Variants in MAP4K4 observed in about 807,000 individuals in gnomAD.
The protein encoded by MAP4K4 is mitogen-activated protein kinase kinase kinase kinase 4.
A neutral mutation model predicts 189.6 loss-of-function variants in MAP4K4; 38 were observed. That is an observed-to-expected ratio of 0.20 (90% CI 0.15 to 0.26). MAP4K4 has a LOEUF of 0.26. Ranked by LOEUF, MAP4K4 falls within the 10% of genes least tolerant of loss-of-function variation. The pLI is 1.00. For synonymous variants in MAP4K4, 610 were observed against 624.3 expected (o/e 0.98, Z 0.34); for missense variants, 1,054 against 1,726.9 (o/e 0.61, Z 6.91).
chr2:101,856,077 G>T, exon 13 of MAP4K4: 4 of 1,551,634 alleles, frequency 2.6e-6, no homozygotes, highest in South Asian at 1.2e-5. Context: ...GAGAGAAGGC[G>T]CAAAGAAGAA....
At chr2:101,829,303 T>A (rs1445721409) in intron 5 of MAP4K4, among the ~76,000 whole-genome samples, 1 of 152,122 alleles carries the variant, frequency 6.6e-6, no homozygotes, top group Non-Finnish European at 1.5e-5. Context: ...CCACTGGGAA[T>A]GTGGAGGGTG....
At chr2:101,810,325 G>C (rs1334241403) in intron 3 of MAP4K4, among the ~76,000 whole-genome samples, 1 of 151,820 alleles carries the variant, frequency 6.6e-6, no homozygotes, top group African/African-American at 2.4e-5. Flanking sequence ...TAATCACTGT[G>C]CCTGTTTTAA....
At chr2:101,756,344 G>C (rs965207623) in intron 2 of MAP4K4, among the ~76,000 whole-genome samples, 2 of 152,170 alleles carry the variant, frequency 1.3e-5, no homozygotes, top group Non-Finnish European at 2.9e-5. Flanking sequence ...ATTAAGCCAA[G>C]AGGGAATCTG....
chr2:101,890,051 G>A (rs2098543230), intron 32 of MAP4K4, among the ~76,000 whole-genome samples: 1 of 152,152 alleles, frequency 6.6e-6, no homozygotes, highest in Admixed American at 6.5e-5. Flanking sequence ...TACCATAGCT[G>A]CAACTATAGC....
intron 20 of MAP4K4, 49 bp downstream of exon 20, chr2:101,867,358 T>C (rs1465806427): frequency 7.2e-7 from 1 of 1,384,682 alleles, no homozygotes; most frequent in Non-Finnish European, 1.0e-6. Context: ...TTGAATGAGA[T>C]CTTTCTATTA....
rs1476179814 is a variant in MAP4K4 at position 101,887,374 on chromosome 2, G to C, written c.3771+137G>C. On this transcript the variant is annotated intron_variant, in intron 30 of 32. Transcript: ENST00000324219. ...GTGGGGGTGAGTATTTAAATGATAC[G>C]CAATTTTCAATAGCTCCATGCTCTT... 3.6e-6 allele frequency: 3 copies of C among 828,094 alleles called. No homozygotes were observed. In the African/African-American group the frequency reaches 5.3e-5, roughly 15 times the overall value. 51.3% of individuals were successfully genotyped at this position (828,094 alleles called of 1,614,324 possible).
chr2:101,776,431 A>G (rs1338363710), intron 2 of MAP4K4, among the ~76,000 whole-genome samples: 2 of 152,060 alleles, frequency 1.3e-5, no homozygotes, highest in Non-Finnish European at 2.9e-5. Flanking sequence ...GACTCCAGAC[A>G]TTGTTTTCTT....
intron 13 of MAP4K4, among the ~76,000 whole-genome samples, chr2:101,857,693 T>C (rs1422337242): frequency 1.3e-5 from 2 of 152,170 alleles, no homozygotes; most frequent in African/African-American, 2.4e-5. Flanking sequence ...AGTAGCCTTC[T>C]GACTAAGTCC....
chr2:101,829,651 A>T, intron 6 of MAP4K4, 57 bp downstream of exon 6: 1 of 1,211,066 alleles, frequency 8.3e-7, no homozygotes, highest in Non-Finnish European at 1.2e-6. Context: ...AGCCAGCTGC[A>T]CTCCCAGTTC....
chr2:101,770,141 T>A (rs554286425), intron 2 of MAP4K4, among the ~76,000 whole-genome samples: 1 of 152,220 alleles, frequency 6.6e-6, no homozygotes, highest in Non-Finnish European at 1.5e-5. Flanking sequence ...AAATAAGTTT[T>A]GTAGATATCA....
intron 2 of MAP4K4, among the ~76,000 whole-genome samples, chr2:101,784,745 C>G (rs1172535134): frequency 1.3e-5 from 2 of 152,214 alleles, no homozygotes; most frequent in East Asian, 1.9e-4. Flanking sequence ...TTGATTATAT[C>G]TATTAAAATG....
At chr2:101,746,020 T>C (rs2065378987) in intron 2 of MAP4K4, among the ~76,000 whole-genome samples, 1 of 151,502 alleles carries the variant, frequency 6.6e-6, no homozygotes, top group Non-Finnish European at 1.5e-5. Flanking sequence ...TAAATAAGTT[T>C]CACTTTGTCA....
At chr2:101,780,064 G>A (rs2086537798) in intron 2 of MAP4K4, among the ~76,000 whole-genome samples, 1 of 152,174 alleles carries the variant, frequency 6.6e-6, no homozygotes, top group Non-Finnish European at 1.5e-5. Context: ...GACACACAAA[G>A]CTGCTTACAG....
intron 3 of MAP4K4, chr2:101,797,172 A>G: frequency 1.6e-6 from 2 of 1,221,892 alleles, no homozygotes. Context: ...TCTTGTCTAG[A>G]CTGAAAATAA....
intron 20 of MAP4K4, chr2:101,867,712 A>G (rs1201166826): frequency 4.7e-6 from 2 of 422,914 alleles, no homozygotes; most frequent in Non-Finnish European, 8.4e-6. Flanking sequence ...TGAGTTCAGC[A>G]TTTACAATAC....
chr2:101,698,132 C>T (rs1285841787), exon 1 of MAP4K4: 1 of 1,241,450 alleles, frequency 8.1e-7, no homozygotes, highest in South Asian at 1.5e-5. Flanking sequence ...CCTCTCCTCC[C>T]TGCGGGTGAG....
At chr2:101,706,230 T>G (rs1378845736) in intron 2 of MAP4K4, among the ~76,000 whole-genome samples, 1 of 152,208 alleles carries the variant, frequency 6.6e-6, no homozygotes, top group African/African-American at 2.4e-5. Context: ...CTAGTTCATT[T>G]ATCAGTTTTA....
chr2:101,881,126 T>G (rs1018802419), intron 27 of MAP4K4, among the ~76,000 whole-genome samples: 10 of 152,220 alleles, frequency 6.6e-5, no homozygotes, highest in African/African-American at 2.4e-4. Flanking sequence ...TCTCCATTTA[T>G]TTAGTTCTTC....
chr2:101,877,852 C>A (rs1317728279), intron 27 of MAP4K4, among the ~76,000 whole-genome samples: 1 of 152,114 alleles, frequency 6.6e-6, no homozygotes, highest in Non-Finnish European at 1.5e-5. Flanking sequence ...CAGGTTCACA[C>A]CATTCTCCTG....
Sources: allele counts gnomAD v4.1 joint callset (sites outside exome capture counted in the v4.1 genomes callset), GRCh38; gene constraint gnomAD v4.1.1; transcripts MANE v1.5; gene names NCBI Gene and HGNC (gene_info 2026-07-23, HGNC 2026-07-21).